The following RPS6KA2 variants were observed in gnomAD, a reference collection of about 807,000 sequenced individuals.
The protein encoded by RPS6KA2 is ribosomal protein S6 kinase alpha-2.
A neutral mutation model predicts 91.8 loss-of-function variants in RPS6KA2; 42 were observed. The observed-to-expected ratio is 0.46, with a 90% CI of 0.36 to 0.59. The LOEUF (loss-of-function observed/expected upper bound fraction) is 0.59. RPS6KA2 is among the 20% of genes least tolerant of loss of function. The pLI, the probability that RPS6KA2 is intolerant of heterozygous loss-of-function variation, is 0.00. For missense variants in RPS6KA2, 798 were observed against 978.5 expected, an observed-to-expected ratio of 0.82 and a Z score of 2.46; for synonymous variants, 414 against 393.6, an observed-to-expected ratio of 1.05 and a Z score of -0.61.
chr6:166,716,251 A>G (rs554540526), intron 2 of RPS6KA2, among the ~76,000 whole-genome samples: 1 of 152,188 alleles, frequency 6.6e-6, no homozygotes, highest in Non-Finnish European at 1.5e-5. Flanking sequence ...AATAAAGACC[A>G]AACCGCTTCT....
intron 14 of RPS6KA2, among the ~76,000 whole-genome samples, chr6:166,442,380 G>A (rs746914328): frequency 6.6e-6 from 1 of 152,186 alleles, no homozygotes; most frequent in Non-Finnish European, 1.5e-5. Flanking sequence ...CTGCTTGGAC[G>A]GGAACCTGCT....
intron 2 of RPS6KA2, among the ~76,000 whole-genome samples, chr6:166,651,055 T>C (rs1787839405): frequency 6.6e-6 from 1 of 152,210 alleles, no homozygotes; most frequent in South Asian, 2.1e-4. Flanking sequence ...ACCCTGCCTG[T>C]CCAGCTGTGG....
chr6:166,431,685 C>T (rs1414294948), intron 15 of RPS6KA2, among the ~76,000 whole-genome samples: 2 of 152,070 alleles, frequency 1.3e-5, no homozygotes, highest in Non-Finnish European at 2.9e-5. Flanking sequence ...GGTGTAATCT[C>T]GGTTCAGTGC....
chr6:166,413,788 C>G lies in RPS6KA2; in HGVS notation c.2076+6G>C, dbSNP rs753378868. On this transcript the variant is annotated splice_donor_region_variant and intron_variant, in intron 20 of 20. Coordinates refer to ENST00000265678, the MANE Select transcript of RPS6KA2 (RefSeq NM_021135.6). The stretch of plus-strand genomic sequence containing the variant: ...CCACTCTGTCCTCACTGTCGCCTGC[C>G]GGTACCTTCACCAGGTGCACGTCCT... 1.9e-6 allele frequency: 3 copies of G among 1,613,744 alleles called. No homozygotes were observed. Among genetic ancestry groups the G allele is most frequent in the Admixed American group, 3.3e-5 (2 of 59,974 alleles).
At chr6:166,539,779 A>G (rs1183683395) in intron 1 of RPS6KA2, among the ~76,000 whole-genome samples, 1 of 152,210 alleles carries the variant, frequency 6.6e-6, no homozygotes, top group Admixed American at 6.5e-5. Flanking sequence ...CTGGAAATGG[A>G]ACACTGGAAA....
chr6:166,648,362 T>G lies in RPS6KA2; in HGVS notation c.124-109578A>C, dbSNP rs1197999474. Among the ~76,000 whole-genome samples the G allele has an allele frequency of 6.6e-6, 1 of 152,228 alleles. No individual in the cohort carries two copies. The highest frequency in any genetic ancestry group is 1.5e-5 in the Non-Finnish European group (1 of 68,048). On this transcript the variant is annotated intron_variant, in intron 2 of 21. Coordinates refer to the RPS6KA2 transcript ENST00000503859. This position sits in a 1 kb window ranked among gnomAD's most constrained non-coding sequence, Gnocchi z 4.8. Reference sequence around the variant, plus strand: ...GCTTCTCCTCACTCCCTGATTTTTATGCTGTTTTTCTGAGGGCCTGGAGAA... The same window carrying G: ...GCTTCTCCTCACTCCCTGATTTTTAGGCTGTTTTTCTGAGGGCCTGGAGAA...
At chr6:166,521,155 C>T (rs948150664) in intron 3 of RPS6KA2, among the ~76,000 whole-genome samples, 1 of 152,228 alleles carries the variant, frequency 6.6e-6, no homozygotes, top group Non-Finnish European at 1.5e-5. Context: ...CTCTTTTCCC[C>T]ACCATGGGGA....
chr6:166,772,374 G>A lies in RPS6KA2; in HGVS notation c.123+85826C>T, dbSNP rs556198032. ...CTGGGGTTTGTGCTTGCTCTGCCTT[G>A]GAAATGTGCCTGCCTGAGAATGGAG... On this transcript the variant is annotated intron_variant, in intron 2 of 21. Coordinates refer to the RPS6KA2 transcript ENST00000503859. Among the ~76,000 whole-genome samples, 3 of 152,242 alleles carry A rather than the reference G, an allele frequency of 2.0e-5. No homozygotes were observed. The East Asian group carries it at 5.8e-4, about 29-fold the overall frequency.
chr6:166,467,126 C>A (rs774432835), intron 11 of RPS6KA2, among the ~76,000 whole-genome samples: 14 of 150,288 alleles, frequency 9.3e-5, no homozygotes, highest in Non-Finnish European at 1.8e-4. Flanking sequence ...TCACTCACTC[C>A]CTCACTCATT....
chr6:166,818,657 A>G (rs1271201235), intron 2 of RPS6KA2, among the ~76,000 whole-genome samples: 1 of 152,124 alleles, frequency 6.6e-6, no homozygotes, highest in Non-Finnish European at 1.5e-5. Flanking sequence ...ATTAAAGTGG[A>G]GGTTGAAAAC....
intron 2 of RPS6KA2, among the ~76,000 whole-genome samples, chr6:166,716,932 C>T (rs1480692434): frequency 6.6e-6 from 1 of 152,224 alleles, no homozygotes; most frequent in Non-Finnish European, 1.5e-5. Flanking sequence ...GCATGCAAAG[C>T]ATCAGTGCTC....
At position 166,698,462 on chromosome 6, in the gene RPS6KA2, A is replaced by G. The variant is rs114151729; in HGVS notation, c.124-159678T>C. On this transcript the variant is annotated intron_variant, in intron 2 of 21. Coordinates refer to the RPS6KA2 transcript ENST00000503859. ...TGTGGAGTGAGAGCAAAGTGAGTAT[A>G]GGGCTATGGTCAGAATAAAGGGAAG... is the stretch of plus-strand genomic sequence containing the variant. Among the ~76,000 whole-genome samples the G allele has an allele frequency of 4.7e-3, 718 of 152,314 alleles. 9 individuals are homozygous for G. Among genetic ancestry groups the G allele is most frequent in the African/African-American group, 0.017 (688 of 41,566 alleles).
At chr6:166,444,860 T>C (rs1260104867) in intron 14 of RPS6KA2, among the ~76,000 whole-genome samples, 1 of 152,222 alleles carries the variant, frequency 6.6e-6, no homozygotes, top group Non-Finnish European at 1.5e-5. Flanking sequence ...TTAGGACCGA[T>C]TCTAGCTGTC....
intron 2 of RPS6KA2, among the ~76,000 whole-genome samples, chr6:166,827,535 G>T (rs145655810): frequency 2.5e-3 from 377 of 152,030 alleles, no homozygotes; most frequent in African/African-American, 8.4e-3. Flanking sequence ...TGCTCTACTC[G>T]CAAATAAACA....
chr6:166,486,175 G>A (rs552748856), intron 10 of RPS6KA2, among the ~76,000 whole-genome samples: 2 of 152,282 alleles, frequency 1.3e-5, no homozygotes, highest in Admixed American at 6.5e-5. Context: ...CTTTGCTGAG[G>A]GGGTCCCAGT....
chr6:166,589,099 T>A (rs773553502), intron 1 of RPS6KA2, among the ~76,000 whole-genome samples: 5 of 152,212 alleles, frequency 3.3e-5, no homozygotes, highest in Non-Finnish European at 7.4e-5. Context: ...TTTCAAAATT[T>A]AAGTCTTTTA....
chr6:166,732,665 G>T lies in RPS6KA2; in HGVS notation c.123+125535C>A, dbSNP rs560659856. On this transcript the variant is annotated intron_variant, in intron 2 of 21. Coordinates refer to the RPS6KA2 transcript ENST00000503859. The surrounding 1 kb of genome is among the most constrained non-coding windows in gnomAD (Gnocchi z 4.0). ...CCTTTGCAGGGATTGCTGTCTAGGG[G>T]ATGGAAGCGCAAAGAAGCTCGGAGC... Among the ~76,000 whole-genome samples the T allele has an allele frequency of 2.6e-5, 4 of 152,344 alleles. No homozygotes were observed. In the South Asian group the frequency reaches 8.3e-4, roughly 32 times the overall value.
Position 166,437,796 on chromosome 6 carries a change from T to C in RPS6KA2, c.1333-5306A>G, listed in dbSNP as rs895945387. Reference sequence around the variant, plus strand: ...TGGCCGAAGGCGACAACAGGAGACTTCGCTGCTCTTGATAACACCTTTCCT... The same window carrying C: ...TGGCCGAAGGCGACAACAGGAGACTCCGCTGCTCTTGATAACACCTTTCCT... On this transcript the variant is annotated intron_variant, in intron 14 of 20. Transcript: ENST00000265678. This position sits in a 1 kb window ranked among gnomAD's most constrained non-coding sequence, Gnocchi z 4.3. Among the ~76,000 whole-genome samples, 5 of 152,192 alleles carry C rather than the reference T, an allele frequency of 3.3e-5. No homozygotes were observed. The highest frequency in any genetic ancestry group is 5.9e-5 in the Non-Finnish European group (4 of 68,000).
At chr6:166,567,205 T>C (rs1292480800) in intron 1 of RPS6KA2, among the ~76,000 whole-genome samples, 1 of 152,210 alleles carries the variant, frequency 6.6e-6, no homozygotes, top group African/African-American at 2.4e-5. Context: ...ACATCCATGG[T>C]GGCAAATCGG....
Sources: allele counts gnomAD v4.1 joint callset (sites outside exome capture counted in the v4.1 genomes callset), GRCh38; gene constraint gnomAD v4.1.1; non-coding constraint Gnocchi (gnomAD v3.1); transcripts MANE v1.5; gene names NCBI Gene and HGNC (gene_info 2026-07-23, HGNC 2026-07-21).